Variants in SLC9A9 observed in about 807,000 individuals in gnomAD.
SLC9A9 encodes sodium/hydrogen exchanger 9.
Under a neutral mutation model 77.8 loss-of-function variants are expected in SLC9A9, and 62 were observed. That is an observed-to-expected ratio of 0.80 (90% CI 0.65 to 0.98). SLC9A9 has a LOEUF of 0.98. SLC9A9 is among the 50% of genes least tolerant of loss of function. The pLI is 0.00. For missense variants in SLC9A9, 775 were observed against 774.9 expected (o/e 1.00, Z 0.00); for synonymous variants, 320 against 283.5 (o/e 1.13, Z -1.29).
intron 9 of SLC9A9, among the ~76,000 whole-genome samples, chr3:143,547,126 C>G (rs141081762): frequency 6.6e-6 from 1 of 152,142 alleles, no homozygotes; most frequent in African/African-American, 2.4e-5. Flanking sequence ...ATGTTTATTA[C>G]CTTTCAGGCT....
At chr3:143,593,163 T>G (rs1004443225) in intron 6 of SLC9A9, among the ~76,000 whole-genome samples, 6 of 152,130 alleles carry the variant, frequency 3.9e-5, no homozygotes, top group African/African-American at 1.2e-4. Context: ...GTAGGTAAGG[T>G]ACGGGCCAGA....
At chr3:143,492,590 T>C (rs193183330) in intron 11 of SLC9A9, among the ~76,000 whole-genome samples, 58 of 152,314 alleles carry the variant, frequency 3.8e-4, no homozygotes, top group African/African-American at 1.4e-3. Flanking sequence ...AGGTGGAATC[T>C]CACAGACCTG....
At position 143,783,345 on chromosome 3, in the gene SLC9A9, T is replaced by A. The variant is rs12488854; in HGVS notation, c.533+11656A>T. ...CTCTACCTCGCTGCTGCCCTCCCCC[T>A]TGCCTTCCCTCTGCCTGGATTCCTT... is the stretch of plus-strand genomic sequence containing the variant. On this transcript the variant is annotated intron_variant, in intron 4 of 15. Coordinates refer to ENST00000316549, the MANE Select transcript of SLC9A9 (RefSeq NM_173653.4). Among the ~76,000 whole-genome samples, 11 of 151,846 alleles carry A rather than the reference T, an allele frequency of 7.2e-5. No homozygotes were observed. In the East Asian group the frequency reaches 1.6e-3, roughly 22 times the overall value.
chr3:143,412,020 G>A (rs376056852), intron 12 of SLC9A9, among the ~76,000 whole-genome samples: 1 of 152,056 alleles, frequency 6.6e-6, no homozygotes, highest in Non-Finnish European at 1.5e-5. Context: ...ATTTCAGTCC[G>A]GGAGGGCCAG....
At chr3:143,775,588 G>T (rs2007662853) in intron 4 of SLC9A9, among the ~76,000 whole-genome samples, 1 of 152,226 alleles carries the variant, frequency 6.6e-6, no homozygotes, top group African/African-American at 2.4e-5. Flanking sequence ...GCCAATGGCT[G>T]CTGAGCTGCA....
intron 4 of SLC9A9, among the ~76,000 whole-genome samples, chr3:143,704,294 T>A (rs1166214138): frequency 6.6e-6 from 1 of 152,136 alleles, no homozygotes; most frequent in African/African-American, 2.4e-5. Flanking sequence ...CAGATCAATA[T>A]CCTGATAAAT....
intron 4 of SLC9A9, among the ~76,000 whole-genome samples, chr3:143,759,010 T>C (rs2007024453): frequency 1.3e-5 from 2 of 152,152 alleles, no homozygotes; most frequent in African/African-American, 4.8e-5. Context: ...CAACTTTACA[T>C]GGATTTGTTG....
At position 143,294,225 on chromosome 3, in the gene SLC9A9, C is replaced by T. The variant is rs551928166; in HGVS notation, c.1605-25245G>A. On this transcript the variant is annotated intron_variant, in intron 14 of 15. Coordinates refer to ENST00000316549, the MANE Select transcript of SLC9A9 (RefSeq NM_173653.4). ...TCACTTAACCTCAAATAAAACTAAA[C>T]GAAACTAAACCCAAATCGCCTACTC... Among the ~76,000 whole-genome samples, 46 of 152,064 alleles carry T rather than the reference C, an allele frequency of 3.0e-4. 2 individuals carry two copies. The highest frequency in any genetic ancestry group is 1.9e-4 in the East Asian group (1 of 5,198).
At chr3:143,449,966 A>AT (rs2034963880) in intron 12 of SLC9A9, among the ~76,000 whole-genome samples, 2 of 77,218 alleles carry the variant, frequency 2.6e-5, no homozygotes, top group African/African-American at 4.9e-5. Context: ...TATATAATAT[A>AT]TATAATATAT....
chr3:143,676,651 C>T (rs1932899428), intron 5 of SLC9A9, among the ~76,000 whole-genome samples: 1 of 152,014 alleles, frequency 6.6e-6, no homozygotes, highest in African/African-American at 2.4e-5. Flanking sequence ...GCAGGAGAAT[C>T]GCTTGAACCC....
intron 14 of SLC9A9, among the ~76,000 whole-genome samples, chr3:143,323,378 C>T (rs2031481280): frequency 1.3e-5 from 2 of 152,116 alleles, no homozygotes; most frequent in Admixed American, 1.3e-4. Context: ...CAATGGAATA[C>T]AATTCAGCCT....
chr3:143,419,892 A>C (rs1431532740), intron 12 of SLC9A9, among the ~76,000 whole-genome samples: 4 of 152,188 alleles, frequency 2.6e-5, no homozygotes, highest in Admixed American at 6.5e-5. Context: ...TGTGTTGGAG[A>C]AATACTGTGG....
chr3:143,660,629 A>G (rs1576640774), intron 5 of SLC9A9, among the ~76,000 whole-genome samples: 1 of 152,188 alleles, frequency 6.6e-6, no homozygotes, highest in East Asian at 1.9e-4. Context: ...GTTTGCGGTA[A>G]TTTCTCATAG....
At chr3:143,810,008 T>C (rs927675108) in intron 2 of SLC9A9, among the ~76,000 whole-genome samples, 15 of 152,234 alleles carry the variant, frequency 9.9e-5, no homozygotes, top group Non-Finnish European at 1.5e-4. Context: ...CCTCCAACTC[T>C]GAGATGGAAA....
chr3:143,485,502 T>C (rs1336394252), intron 11 of SLC9A9, among the ~76,000 whole-genome samples: 1 of 152,120 alleles, frequency 6.6e-6, no homozygotes, highest in Non-Finnish European at 1.5e-5. Context: ...GGCATGGACT[T>C]AGAAAAGACC....
At chr3:143,653,838 T>C (rs2038841839) in intron 5 of SLC9A9, among the ~76,000 whole-genome samples, 1 of 152,232 alleles carries the variant, frequency 6.6e-6, no homozygotes, top group African/African-American at 2.4e-5. Context: ...ATGACCACTG[T>C]GCTTTGTACT....
At chr3:143,752,975 G>A (rs1484462881) in intron 4 of SLC9A9, among the ~76,000 whole-genome samples, 1 of 152,110 alleles carries the variant, frequency 6.6e-6, no homozygotes, top group Non-Finnish European at 1.5e-5. Flanking sequence ...ATTCTGAAAA[G>A]CTTTGATTTA....
At chr3:143,419,837 T>C (rs1272871671) in intron 12 of SLC9A9, among the ~76,000 whole-genome samples, 1 of 152,200 alleles carries the variant, frequency 6.6e-6, no homozygotes, top group Non-Finnish European at 1.5e-5. Context: ...TTTCAGCCTC[T>C]GTGGGAGTCC....
intron 2 of SLC9A9, among the ~76,000 whole-genome samples, chr3:143,804,232 A>T (rs1164254796): frequency 6.6e-6 from 1 of 152,164 alleles, no homozygotes; most frequent in Non-Finnish European, 1.5e-5. Context: ...ACTTAAAAAC[A>T]TTAGCAGTAA....
Sources: gnomAD v4.1 joint callset for allele counts (sites outside exome capture counted in the v4.1 genomes callset) on GRCh38, gnomAD v4.1.1 for gene constraint, MANE v1.5 for transcripts, NCBI Gene and HGNC (gene_info 2026-07-23, HGNC 2026-07-21) for gene names.